The following DNAH3 variants were observed in gnomAD, a reference collection of about 807,000 sequenced individuals.
The protein encoded by DNAH3 is dynein axonemal heavy chain 3.
A neutral mutation model predicts 432.5 loss-of-function variants in DNAH3; 332 were observed. The ratio of observed to expected loss-of-function variants is 0.77; its 90% CI spans 0.70 to 0.84. The LOEUF (loss-of-function observed/expected upper bound fraction) is 0.84, where lower values mean the gene tolerates loss of function less well. DNAH3 is among the 40% of genes least tolerant of loss of function. The probability of loss-of-function intolerance (pLI) is 0.00; values close to 1 mark genes in which losing one functional copy is unlikely to be tolerated. For synonymous variants in DNAH3, 1,956 were observed against 1,900.2 expected (o/e 1.03, Z -0.76); for missense variants, 4,861 against 5,114.0 (o/e 0.95, Z 1.51).
intron 1 of DNAH3, among the ~76,000 whole-genome samples, chr16:21,148,833 A>C (rs1191073580): frequency 6.6e-6 from 1 of 152,206 alleles, no homozygotes; most frequent in African/African-American, 2.4e-5. Flanking sequence ...AATGGGGCTA[A>C]AAGAGTTTTC....
chr16:21,053,700 A>G (rs565768728), intron 28 of DNAH3, among the ~76,000 whole-genome samples: 1 of 152,274 alleles, frequency 6.6e-6, no homozygotes, highest in East Asian at 1.9e-4. Flanking sequence ...ATGAAATGCC[A>G]GGAGGGAGCT....
chr16:21,145,256 C>A lies in DNAH3; in HGVS notation c.373G>T (p.Asp125Tyr), dbSNP rs145622254. ...GCCGGTTGGTAGACCTTCAGCAGAT[C>A]TTTCAGCTTCAGGTCCTGGGCCATC... The change falls in exon 3 of 62, where the codon GAT (aspartate) becomes TAT (tyrosine). Residue 125 changes from aspartate (D) to tyrosine (Y), a missense_variant. Coordinates refer to ENST00000261383, the Ensembl canonical transcript of DNAH3. 1.1e-5 allele frequency: 18 copies of A among 1,613,940 alleles called. No homozygotes were observed. The highest frequency in any genetic ancestry group is 1.6e-4 in the Middle Eastern group (1 of 6,062).
chr16:21,155,518 A>G (rs2092892085), intron 1 of DNAH3, among the ~76,000 whole-genome samples: 4 of 143,662 alleles, frequency 2.8e-5, no homozygotes, highest in Admixed American at 2.2e-4. Flanking sequence ...GCTACTCCGG[A>G]GGCTTTGGCA....
intron 36 of DNAH3, among the ~76,000 whole-genome samples, chr16:21,032,507 G>T (rs1468841180): frequency 6.6e-6 from 1 of 152,142 alleles, no homozygotes. Flanking sequence ...CTTGAGTCAT[G>T]AACTAAATAA....
At chr16:20,984,160 A>AGTGT (rs1381443075) in intron 48 of DNAH3, among the ~76,000 whole-genome samples, 2 of 111,166 alleles carry the variant, frequency 1.8e-5, no homozygotes, top group African/African-American at 3.7e-5. Context: ...TCCTTATCCC[A>AGTGT]ATGTGTGTGT....
At chr16:21,123,716 T>C (rs1480531637) in intron 9 of DNAH3, among the ~76,000 whole-genome samples, 1 of 152,218 alleles carries the variant, frequency 6.6e-6, no homozygotes, top group Non-Finnish European at 1.5e-5. Flanking sequence ...CAAAAGAATA[T>C]TCATCGATTT....
intron 31 of DNAH3, among the ~76,000 whole-genome samples, chr16:21,044,684 G>T (rs1431164663): frequency 2.5e-3 from 150 of 59,862 alleles, no homozygotes; most frequent in African/African-American, 1.0e-2. Flanking sequence ...CTGCCTAATT[G>T]CCCTGGCCAG....
chr16:21,086,831 G>A lies in DNAH3; in HGVS notation c.2877+18C>T, dbSNP rs1217465181. The stretch of plus-strand genomic sequence containing the variant: ...CCTGGGCTGCGCTGCTTGGGGGCGG[G>A]CAGTGATTGATAGAAACCTGCTGCC... On this transcript the variant is annotated intron_variant, in intron 19 of 61. Transcript: ENST00000261383. The A allele has an allele frequency of 6.2e-7, 1 of 1,611,016 alleles. No homozygotes were observed.
In DNAH3 at chr16:21,039,837, A is replaced by AC. The variant is rs1364588749; in HGVS notation, c.4730+14dup. On this transcript the variant is annotated intron_variant, in intron 33 of 61. Coordinates refer to ENST00000261383, the Ensembl canonical transcript of DNAH3. Reference sequence around the variant, plus strand: ...AAAGTCCTTTAGAATGCACTGGAAAACCCATGTAACACACCTTCTGGAGTC... The same window carrying AC: ...AAAGTCCTTTAGAATGCACTGGAAAACCCCATGTAACACACCTTCTGGAGTC... 6.3e-7 allele frequency: 1 copy of AC among 1,584,942 alleles called. No individual in the cohort carries two copies. The highest frequency in any genetic ancestry group is 1.1e-5 in the South Asian group (1 of 90,498).
exon 33 of DNAH3, chr16:21,039,865 G>A: frequency 4.3e-6 from 7 of 1,613,096 alleles, no homozygotes; most frequent in Non-Finnish European, 5.9e-6. Flanking sequence ...CTGGAGTCCA[G>A]AAACCCCATG....
In DNAH3 at chr16:21,140,438, T is replaced by G. The variant is rs1189631165; in HGVS notation, c.696+98A>C. On this transcript the variant is annotated intron_variant, in intron 5 of 61. Coordinates refer to ENST00000261383, the Ensembl canonical transcript of DNAH3. ...CTAGACTTTGGTGTTTTTCAAACAT[T>G]TCCCAGGTGATTCTGCTGTTCTCCC... is the stretch of plus-strand genomic sequence containing the variant. The G allele has an allele frequency of 9.0e-6, 12 of 1,326,562 alleles. No homozygotes were observed. The Admixed American group carries it at 1.6e-4, about 18-fold the overall frequency. 82.2% of individuals were successfully genotyped at this position (1,326,562 alleles called of 1,614,324 possible).
At chr16:21,103,354 T>TTGG (rs1555558904) in intron 16 of DNAH3, among the ~76,000 whole-genome samples, 1 of 67,612 alleles carries the variant, frequency 1.5e-5, no homozygotes, top group Non-Finnish European at 2.9e-5. Flanking sequence ...GGTGTGTGTG[T>TTGG]GGGGGGGGGC....
At chr16:20,944,750 G>GTATGATTCCTGTTCT in intron 57 of DNAH3, 87 bp from the exon 58 acceptor site, 1 of 1,268,232 alleles carries the variant, frequency 7.9e-7, no homozygotes, top group Non-Finnish European at 1.1e-6. Flanking sequence ...AATCAGAACA[G>GTATGATTCCTGTTCT]GAATCATACT....
intron 1 of DNAH3, among the ~76,000 whole-genome samples, chr16:21,153,876 C>T (rs13339110): frequency 0.19 from 28,232 of 152,176 alleles, 2,752 homozygotes; most frequent in South Asian, 0.25. Context: ...ACTCCTTTTC[C>T]TCAAAGTTGG....
chr16:21,157,078 C>A (rs767216186), intron 1 of DNAH3, among the ~76,000 whole-genome samples: 1 of 151,850 alleles, frequency 6.6e-6, no homozygotes, highest in Non-Finnish European at 1.5e-5. Context: ...AAGTGCATGA[C>A]GCCAGACAAG....
At chr16:21,047,027 G>C (rs542678625) in intron 31 of DNAH3, among the ~76,000 whole-genome samples, 5 of 152,232 alleles carry the variant, frequency 3.3e-5, no homozygotes, top group African/African-American at 1.2e-4. Flanking sequence ...GGCTTGTAGG[G>C]TTTCTGCAGA....
intron 11 of DNAH3, among the ~76,000 whole-genome samples, chr16:21,118,859 AGTTCC>A (rs2092269833): frequency 6.6e-6 from 1 of 152,194 alleles, no homozygotes; most frequent in East Asian, 1.9e-4. Context: ...CAGGCTGCAA[AGTTCC>A]TGCCTGGGAC....
At chr16:21,088,270 C>T (rs929984873) in intron 18 of DNAH3, among the ~76,000 whole-genome samples, 17 of 152,252 alleles carry the variant, frequency 1.1e-4, no homozygotes, top group Admixed American at 4.6e-4. Flanking sequence ...AAGGCACCTA[C>T]GCAACAAGTG....
intron 59 of DNAH3, among the ~76,000 whole-genome samples, chr16:20,938,192 G>A (rs1034710790): frequency 3.9e-5 from 6 of 152,058 alleles, no homozygotes; most frequent in African/African-American, 9.7e-5. Flanking sequence ...AGGAGTTTGA[G>A]ACCAGCCTGG....
Sources: allele counts gnomAD v4.1 joint callset (sites outside exome capture counted in the v4.1 genomes callset), GRCh38; gene constraint gnomAD v4.1.1; transcripts MANE v1.5; gene names NCBI Gene and HGNC (gene_info 2026-07-23, HGNC 2026-07-21).